FAM193A: variants seen among roughly 807,000 people sequenced by gnomAD.
FAM193A encodes protein FAM193A.
Under a neutral mutation model 126.5 loss-of-function variants are expected in FAM193A, and 22 were observed. The observed-to-expected ratio is 0.17, with a 90% CI of 0.12 to 0.25. The LOEUF (loss-of-function observed/expected upper bound fraction) is 0.25. FAM193A is among the 10% of genes least tolerant of loss of function. FAM193A has a pLI of 1.00. For synonymous variants in FAM193A, 761 were observed against 646.8 expected, an observed-to-expected ratio of 1.18 and a Z score of -2.68; for missense variants, 1,675 against 1,672.8, an observed-to-expected ratio of 1.00 and a Z score of -0.02.
chr4:2,558,552 A>G (rs1318679081), intron 1 of FAM193A, among the ~76,000 whole-genome samples: 1 of 152,052 alleles, frequency 6.6e-6, no homozygotes, highest in Non-Finnish European at 1.5e-5. Flanking sequence ...CAGCTAATCA[A>G]AATTTTTCTG....
chr4:2,705,404 C>T (rs944669403), intron 19 of FAM193A, among the ~76,000 whole-genome samples: 4 of 151,850 alleles, frequency 2.6e-5, no homozygotes, highest in African/African-American at 7.3e-5. Context: ...GAAAGCTTTA[C>T]GCTAACATTG....
intron 18 of FAM193A, 89 bp downstream of exon 18, chr4:2,696,682 C>A: frequency 1.0e-6 from 1 of 986,636 alleles, no homozygotes; most frequent in Non-Finnish European, 1.5e-6. Flanking sequence ...AGGGCTGAGC[C>A]ACAGGAGGTC....
At position 2,731,985 on chromosome 4, in the gene FAM193A, G is replaced by C; in HGVS notation, c.*117G>C. The C allele has an allele frequency of 2.5e-6, 2 of 799,934 alleles. No individual in the cohort carries two copies. Among genetic ancestry groups the C allele is most frequent in the Non-Finnish European group, 4.3e-6 (2 of 465,342 alleles). The allele number at this position is 799,934 out of a possible 1,614,324, so 49.6% of individuals were successfully genotyped here. ...TGCTTGCCAAGGGCTGTGCGGAGCTGGTGCTGCCTGAAACCCCAGACCGAG... is the reference window on the plus strand; with the variant it reads ...TGCTTGCCAAGGGCTGTGCGGAGCTCGTGCTGCCTGAAACCCCAGACCGAG... On this transcript the variant is annotated 3_prime_UTR_variant, in exon 21 of 21. Transcript: ENST00000637812.
chr4:2,584,741 A>G (rs1740138344), intron 1 of FAM193A, among the ~76,000 whole-genome samples: 1 of 152,088 alleles, frequency 6.6e-6, no homozygotes, highest in African/African-American at 2.4e-5. Context: ...CCTGGCCAAC[A>G]TAGTGAAACC....
chr4:2,731,746 A>G (rs1721421453), intron 20 of FAM193A, 29 bp from the exon 21 acceptor site: 7 of 1,576,152 alleles, frequency 4.4e-6, no homozygotes, highest in Non-Finnish European at 6.1e-6. Context: ...TGTTTCCTTC[A>G]GTGACTGTTT....
intron 20 of FAM193A, among the ~76,000 whole-genome samples, chr4:2,729,715 A>G (rs529118694): frequency 2.6e-5 from 4 of 152,228 alleles, no homozygotes; most frequent in East Asian, 1.9e-4. Flanking sequence ...GGCTGAAGCC[A>G]TGCTCCCACC....
At chr4:2,584,390 C>T (rs1209467711) in intron 1 of FAM193A, among the ~76,000 whole-genome samples, 1 of 147,904 alleles carries the variant, frequency 6.8e-6, no homozygotes, top group Non-Finnish European at 1.5e-5. Flanking sequence ...TGTGCCACTG[C>T]ACTCCAGCCT....
chr4:2,722,171 T>A (rs1034736544), intron 20 of FAM193A, among the ~76,000 whole-genome samples: 2 of 152,206 alleles, frequency 1.3e-5, no homozygotes, highest in African/African-American at 4.8e-5. Context: ...GGGGGTGCTG[T>A]GACTCAGGAT....
intron 13 of FAM193A, among the ~76,000 whole-genome samples, chr4:2,674,016 A>C (rs1266710387): frequency 6.6e-6 from 1 of 152,232 alleles, no homozygotes; most frequent in Non-Finnish European, 1.5e-5. Context: ...ATAGAAAAGC[A>C]AATATGGAGT....
intron 2 of FAM193A, among the ~76,000 whole-genome samples, chr4:2,614,371 A>G (rs943923803): frequency 2.6e-5 from 4 of 152,236 alleles, no homozygotes; most frequent in African/African-American, 9.6e-5. Flanking sequence ...ATCTGTTAAG[A>G]TGATAACAGA....
At chr4:2,606,421 T>C (rs1741556046) in intron 2 of FAM193A, among the ~76,000 whole-genome samples, 1 of 152,210 alleles carries the variant, frequency 6.6e-6, no homozygotes, top group Non-Finnish European at 1.5e-5. Context: ...GTGGAACCTG[T>C]TGTGATAGGT....
At chr4:2,550,363 A>G (rs574474983) in intron 1 of FAM193A, among the ~76,000 whole-genome samples, 1 of 150,690 alleles carries the variant, frequency 6.6e-6, no homozygotes, top group Admixed American at 6.6e-5. Flanking sequence ...TTTAAGTCGT[A>G]GGTGACATTA....
At chr4:2,587,146 G>A (rs971527852) in intron 1 of FAM193A, among the ~76,000 whole-genome samples, 2 of 152,330 alleles carry the variant, frequency 1.3e-5, no homozygotes. Flanking sequence ...TGTGTAAGAA[G>A]CATGGTGCAC....
rs754782954 is a variant in FAM193A, at chr4:2,630,910, C to T, written c.804-25C>T. On this transcript the variant is annotated intron_variant, in intron 4 of 20. Transcript: ENST00000637812. ...CACCCATGGGCCCTGGTGGGCAGGC[C>T]CTGGTGACCCTCTTCTCTGTGCAGG... The T allele has an allele frequency of 1.3e-5, 18 of 1,398,662 alleles. No individual in the cohort carries two copies. The South Asian group carries it at 2.0e-4, about 16-fold the overall frequency. 86.6% of individuals were successfully genotyped at this position (1,398,662 alleles called of 1,614,324 possible). A position where few individuals can be genotyped will look rare whatever the true frequency, so the allele number is the denominator to read the frequency against.
At chr4:2,721,691 C>T (rs1720175268) in intron 20 of FAM193A, among the ~76,000 whole-genome samples, 1 of 152,204 alleles carries the variant, frequency 6.6e-6, no homozygotes, top group South Asian at 2.1e-4. Flanking sequence ...AACCACTGCT[C>T]CGGGGAGCAT....
At chr4:2,585,954 T>G (rs1265914313) in intron 1 of FAM193A, among the ~76,000 whole-genome samples, 1 of 151,522 alleles carries the variant, frequency 6.6e-6, no homozygotes, top group Non-Finnish European at 1.5e-5. Flanking sequence ...TTTAAATAGT[T>G]GAATCTGGGC....
At chr4:2,597,882 G>T (rs115863961) in intron 2 of FAM193A, among the ~76,000 whole-genome samples, 5 of 151,660 alleles carry the variant, frequency 3.3e-5, no homozygotes, top group Non-Finnish European at 5.9e-5. Flanking sequence ...CCCTTCCCCC[G>T]TCCTAGCCTC....
At position 2,639,164 on chromosome 4, in the gene FAM193A, A is replaced by T. The variant is rs368076213; in HGVS notation, c.1039-571A>T. Among the ~76,000 whole-genome samples the T allele has an allele frequency of 9.8e-5, 15 of 152,292 alleles. 1 individual carries two copies. The East Asian group carries it at 2.9e-3, about 29-fold the overall frequency. On this transcript the variant is annotated intron_variant, in intron 5 of 20. Coordinates refer to ENST00000637812, the MANE Select transcript of FAM193A (RefSeq NM_001366318.2). ...ATCTCTGCTGACATCACTCTCTATG[A>T]TGACTGGGACACTTCTAGGTTTTCG...
At chr4:2,706,627 G>C (rs1270787487) in intron 19 of FAM193A, among the ~76,000 whole-genome samples, 3 of 151,622 alleles carry the variant, frequency 2.0e-5, no homozygotes, top group Non-Finnish European at 2.9e-5. Flanking sequence ...ATGCACTTGG[G>C]TCTGTTTCTG....
Sources: gnomAD v4.1 joint callset for allele counts (sites outside exome capture counted in the v4.1 genomes callset) on GRCh38, gnomAD v4.1.1 for gene constraint, MANE v1.5 for transcripts, NCBI Gene and HGNC (gene_info 2026-07-23, HGNC 2026-07-21) for gene names.